Variants in EML6 observed in about 807,000 individuals in gnomAD.
EML6 encodes EMAP like 6, also known as echinoderm microtubule-associated protein-like 6.
EML6 carries 154 observed loss-of-function variants against 240.1 expected under a neutral mutation model. The ratio of observed to expected loss-of-function variants is 0.64; its 90% CI spans 0.56 to 0.73. EML6 has a LOEUF of 0.73. Among genes scored for constraint, EML6 ranks in the 30% least tolerant of loss-of-function variants. The pLI is 0.00. For missense variants in EML6, 2,964 were observed against 2,474.6 expected (o/e 1.20, Z -4.20); for synonymous variants, 1,148 against 899.0 (o/e 1.28, Z -4.95).
At chr2:54,832,570 C>T (rs1396447652) in intron 7 of EML6, among the ~76,000 whole-genome samples, 2 of 152,164 alleles carry the variant, frequency 1.3e-5, no homozygotes, top group Non-Finnish European at 2.9e-5. Flanking sequence ...TAAAAGTAAT[C>T]AAGATGTAAA....
chr2:54,739,106 AG>A (rs949284664), intron 2 of EML6, among the ~76,000 whole-genome samples: 2 of 152,238 alleles, frequency 1.3e-5, no homozygotes, highest in Admixed American at 1.3e-4. Context: ...TCATGTATAA[AG>A]TAAAATATAT....
chr2:54,857,742 G>A (rs1414131291), intron 11 of EML6, among the ~76,000 whole-genome samples: 2 of 151,966 alleles, frequency 1.3e-5, no homozygotes, highest in African/African-American at 2.4e-5. Context: ...GATATCTAGG[G>A]AGAGAGCACT....
At chr2:54,772,630 T>C (rs1668445883) in intron 2 of EML6, among the ~76,000 whole-genome samples, 1 of 152,232 alleles carries the variant, frequency 6.6e-6, no homozygotes. Flanking sequence ...TACATTCCCT[T>C]ATTCTACACA....
At chr2:54,883,813 G>A (rs1411900021) in intron 17 of EML6, among the ~76,000 whole-genome samples, 1 of 152,210 alleles carries the variant, frequency 6.6e-6, no homozygotes, top group Non-Finnish European at 1.5e-5. Context: ...GGTATGCAGT[G>A]TGTTCTTTAT....
intron 2 of EML6, among the ~76,000 whole-genome samples, chr2:54,728,786 G>C (rs1176578095): frequency 1.3e-5 from 2 of 152,152 alleles, no homozygotes; most frequent in Non-Finnish European, 2.9e-5. Context: ...ATTGCTCACA[G>C]GCAGAAGTCC....
chr2:54,768,931 G>A (rs1668298438), intron 2 of EML6, among the ~76,000 whole-genome samples: 1 of 152,012 alleles, frequency 6.6e-6, no homozygotes, highest in African/African-American at 2.4e-5. Context: ...TACTTCTCAT[G>A]TTCATGTCTG....
At chr2:54,823,838 T>C (rs960604526) in intron 5 of EML6, among the ~76,000 whole-genome samples, 1 of 92,752 alleles carries the variant, frequency 1.1e-5, no homozygotes, top group Non-Finnish European at 2.3e-5. Flanking sequence ...TGAATTAATA[T>C]TCATTCATTC....
chr2:54,778,891 C>CAA (rs556068541), intron 2 of EML6, among the ~76,000 whole-genome samples: 4 of 99,586 alleles, frequency 4.0e-5, no homozygotes, highest in Non-Finnish European at 5.9e-5. Flanking sequence ...GACTCCATCT[C>CAA]AAAAAAAAAA....
chr2:54,875,881 T>C (rs1573047280), intron 16 of EML6, among the ~76,000 whole-genome samples: 2 of 152,302 alleles, frequency 1.3e-5, no homozygotes, highest in South Asian at 4.1e-4. Flanking sequence ...ATCAACCATA[T>C]AATTTTTTTA....
chr2:54,953,248 A>G (rs1676068489), intron 31 of EML6, among the ~76,000 whole-genome samples: 1 of 152,058 alleles, frequency 6.6e-6, no homozygotes, highest in Non-Finnish European at 1.5e-5. Flanking sequence ...TATTTTAGCT[A>G]TTGTTTTCCC....
intron 17 of EML6, among the ~76,000 whole-genome samples, chr2:54,884,831 C>G (rs147260257): frequency 1.3e-5 from 2 of 152,150 alleles, no homozygotes; most frequent in Non-Finnish European, 2.9e-5. Context: ...TCTAGTCTCT[C>G]TAAAGTATAT....
At chr2:54,806,745 C>T (rs930605160) in intron 2 of EML6, among the ~76,000 whole-genome samples, 2 of 149,548 alleles carry the variant, frequency 1.3e-5, no homozygotes, top group African/African-American at 4.9e-5. Flanking sequence ...GTTTTAAGTG[C>T]TACTGTTTTA....
intron 26 of EML6, among the ~76,000 whole-genome samples, chr2:54,925,489 G>C (rs1362722215): frequency 6.6e-6 from 1 of 152,178 alleles, no homozygotes; most frequent in Non-Finnish European, 1.5e-5. Context: ...CAAAATTCAA[G>C]TTCCGTTTGT....
chr2:54,784,136 G>A (rs1572892002), intron 2 of EML6, among the ~76,000 whole-genome samples: 2 of 151,864 alleles, frequency 1.3e-5, no homozygotes, highest in Admixed American at 1.3e-4. Context: ...GTAGAGATGG[G>A]GATCTTGCTA....
At chr2:54,828,643 A>G (rs1206330992) in intron 6 of EML6, among the ~76,000 whole-genome samples, 2 of 152,226 alleles carry the variant, frequency 1.3e-5, no homozygotes, top group Non-Finnish European at 2.9e-5. Context: ...CTCTTAAAAT[A>G]ATAGGTCAGT....
chr2:54,900,076 T>C (rs1347526888), intron 22 of EML6, among the ~76,000 whole-genome samples: 9 of 152,228 alleles, frequency 5.9e-5, no homozygotes, highest in Admixed American at 5.2e-4. Flanking sequence ...TGGGAGTCAA[T>C]TGAAATTCAT....
At chr2:54,817,961 C>G (rs973857183) in intron 4 of EML6, among the ~76,000 whole-genome samples, 1 of 151,854 alleles carries the variant, frequency 6.6e-6, no homozygotes, top group Non-Finnish European at 1.5e-5. Context: ...GCCTGGTACC[C>G]CTCTCGTCCA....
chr2:54,885,890 C>T (rs899310083), intron 17 of EML6, among the ~76,000 whole-genome samples: 4 of 152,140 alleles, frequency 2.6e-5, no homozygotes, highest in East Asian at 1.9e-4. Context: ...AGATTACAGG[C>T]GTGAGCCACC....
chr2:54,876,085 T>A (rs1671492498), intron 16 of EML6, among the ~76,000 whole-genome samples: 1 of 152,212 alleles, frequency 6.6e-6, no homozygotes, highest in South Asian at 2.1e-4. Context: ...CTGGACTATG[T>A]CACAGACATC....
Sources: allele counts gnomAD v4.1 joint callset (sites outside exome capture counted in the v4.1 genomes callset), GRCh38; gene constraint gnomAD v4.1.1; transcripts MANE v1.5; gene names NCBI Gene and HGNC (gene_info 2026-07-23, HGNC 2026-07-21).